Variants in POU6F2 observed in about 807,000 individuals in gnomAD.
POU6F2 encodes POU domain, class 6, transcription factor 2.
In POU6F2, 31 loss-of-function variants were observed where a neutral mutation model predicts 71.3. The ratio of observed to expected loss-of-function variants is 0.43; its 90% CI spans 0.33 to 0.59. POU6F2 has a LOEUF of 0.59. POU6F2 is among the 20% of genes least tolerant of loss of function. The probability of loss-of-function intolerance (pLI) is 0.04; values close to 1 mark genes in which losing one functional copy is unlikely to be tolerated. For missense variants in POU6F2, 783 were observed against 856.8 expected, an observed-to-expected ratio of 0.91 and a Z score of 1.07; for synonymous variants, 347 against 355.7, an observed-to-expected ratio of 0.98 and a Z score of 0.27.
intron 5 of POU6F2, among the ~76,000 whole-genome samples, chr7:39,401,687 C>T (rs752468449): frequency 1.7e-4 from 26 of 152,304 alleles, no homozygotes; most frequent in Middle Eastern, 6.8e-3. Flanking sequence ...TAGGCATCCA[C>T]GGCCGAGTCA....
At chr7:39,315,127 T>G (rs1394010907) in intron 4 of POU6F2, among the ~76,000 whole-genome samples, 2 of 152,224 alleles carry the variant, frequency 1.3e-5, no homozygotes, top group African/African-American at 4.8e-5. Context: ...CATTTGTTGT[T>G]GAGTAGGGGA....
In POU6F2 at chr7:39,085,947, G is replaced by C; in HGVS notation, c.193G>C (p.Ala65Pro). 1 of 1,613,766 alleles carries C rather than the reference G, an allele frequency of 6.2e-7. No homozygotes were observed. The highest frequency in any genetic ancestry group is 1.1e-5 in the South Asian group (1 of 91,046). The change falls in exon 2 of 10, where the codon GCT becomes CCT. Residue 65 changes from alanine (A) to proline (P), a missense_variant. Physicochemically the swap from Ala to Pro is conservative, Grantham distance 27. Around this residue, in one of 2 missense-constraint regions of POU6F2, gnomAD observed 572 missense variants for 572.9 expected, o/e 1.00. Transcript: ENST00000518318. Reference sequence around the variant, plus strand: ...GGAGTTGAGAGGTGAGGACAAGGCTGCTACTTCAGACAGCGAGCTGAATGA... The same window carrying C: ...GGAGTTGAGAGGTGAGGACAAGGCTCCTACTTCAGACAGCGAGCTGAATGA... ...NAELRGEDKAATSDSELNEPL... is the reference protein window; with the variant it reads ...NAELRGEDKAPTSDSELNEPL...
chr7:39,178,235 C>T (rs1219298083), intron 2 of POU6F2, among the ~76,000 whole-genome samples: 2 of 152,140 alleles, frequency 1.3e-5, no homozygotes, highest in East Asian at 3.9e-4. Context: ...GCCTGGGCAA[C>T]AGAGTGAGAC....
intron 2 of POU6F2, among the ~76,000 whole-genome samples, chr7:39,174,972 C>T (rs1793300388): frequency 6.6e-6 from 1 of 152,166 alleles, no homozygotes; most frequent in Admixed American, 6.5e-5. Context: ...TTCTCTTCTC[C>T]TGTGACCTCT....
chr7:39,356,227 G>A (rs1391577094), intron 5 of POU6F2, among the ~76,000 whole-genome samples: 2 of 152,106 alleles, frequency 1.3e-5, no homozygotes, highest in Non-Finnish European at 2.9e-5. Flanking sequence ...GTTTAGCCTG[G>A]ACACTCTGGC....
At chr7:39,449,569 G>A (rs1380010490) in intron 7 of POU6F2, among the ~76,000 whole-genome samples, 1 of 152,084 alleles carries the variant, frequency 6.6e-6, no homozygotes, top group East Asian at 1.9e-4. Context: ...TGCATTTATA[G>A]TATGATCCAA....
At chr7:39,418,841 C>T (rs1787747473) in intron 6 of POU6F2, among the ~76,000 whole-genome samples, 1 of 150,316 alleles carries the variant, frequency 6.7e-6, no homozygotes, top group African/African-American at 2.4e-5. Flanking sequence ...TGTGTAAGTG[C>T]CTAATACAGT....
chr7:39,221,610 A>G (rs1794363299), intron 4 of POU6F2, among the ~76,000 whole-genome samples: 1 of 151,332 alleles, frequency 6.6e-6, no homozygotes, highest in African/African-American at 2.4e-5. Context: ...CTGGTCTCGA[A>G]CTCCTAACCT....
chr7:38,986,889 TA>T (rs1208562319), intron 1 of POU6F2, among the ~76,000 whole-genome samples: 3 of 152,158 alleles, frequency 2.0e-5, no homozygotes, highest in Non-Finnish European at 2.9e-5. Context: ...CTTTTACATA[TA>T]AAAAATATTT....
rs1789097059 is a variant in POU6F2 at position 39,467,424 on chromosome 7, C to T, written c.*2738C>T. 1 of 152,132 alleles carries T rather than the reference C, an allele frequency of 6.6e-6. No individual in the cohort carries two copies. Among genetic ancestry groups the T allele is most frequent in the African/African-American group, 2.4e-5 (1 of 41,454 alleles). The allele number at this position is 152,132 out of a possible 1,614,324, so 9.4% of individuals were successfully genotyped here. ...TCATATGCCAATGGCGTTTAAGTGT[C>T]TTTTATGTTTCCATGAACTGAAGGT... On this transcript the variant is annotated 3_prime_UTR_variant, in exon 10 of 10. Coordinates refer to ENST00000518318, the MANE Select transcript of POU6F2 (RefSeq NM_001370959.1).
intron 7 of POU6F2, among the ~76,000 whole-genome samples, chr7:39,444,206 G>A (rs986686619): frequency 4.6e-5 from 7 of 152,174 alleles, no homozygotes; most frequent in East Asian, 3.9e-4. Flanking sequence ...AAAAAACACC[G>A]GTATTTGACA....
In POU6F2 at chr7:39,290,423, T is replaced by C. The variant is rs370669035; in HGVS notation, c.599-49219T>C. Among the ~76,000 whole-genome samples, 41 of 152,320 alleles carry C rather than the reference T, an allele frequency of 2.7e-4. No individual in the cohort carries two copies. The South Asian group carries it at 8.1e-3, about 30-fold the overall frequency. On this transcript the variant is annotated intron_variant, in intron 4 of 9. Transcript: ENST00000518318. Reference sequence around the variant, plus strand: ...CCTGTACAGAATCTGTTCTTGAGCTTTGTGCTCTGATATTCTCGATTCTAA... The same window carrying C: ...CCTGTACAGAATCTGTTCTTGAGCTCTGTGCTCTGATATTCTCGATTCTAA...
Position 39,460,747 on chromosome 7 carries a change from T to A in POU6F2, c.1658+32T>A, listed in dbSNP as rs912506845. ...CGCGCCTGCATGCTGTCACCTCTTC[T>A]AGCCGCCCTGGGCCTCATTTGTCCT... On this transcript the variant is annotated intron_variant, in intron 9 of 9. Coordinates refer to ENST00000518318, the MANE Select transcript of POU6F2 (RefSeq NM_001370959.1). This position sits in a 1 kb window ranked among gnomAD's most constrained non-coding sequence, Gnocchi z 4.4. 2 of 1,539,706 alleles carry A rather than the reference T, an allele frequency of 1.3e-6. No individual in the cohort carries two copies. Among genetic ancestry groups the A allele is most frequent in the East Asian group, 4.7e-5 (2 of 42,644 alleles).
At chr7:39,111,422 C>T (rs1031523268) in intron 2 of POU6F2, among the ~76,000 whole-genome samples, 1 of 152,072 alleles carries the variant, frequency 6.6e-6, no homozygotes, top group African/African-American at 2.4e-5. Context: ...TTTACCTTTA[C>T]TCAGATTAAG....
chr7:39,400,975 ACT>A (rs1430756053), intron 5 of POU6F2, among the ~76,000 whole-genome samples: 8 of 152,030 alleles, frequency 5.3e-5, no homozygotes, highest in African/African-American at 1.2e-4. Flanking sequence ...GGAAACAGGG[ACT>A]CTCTGCAAAG....
At chr7:39,092,127 T>C (rs1241300378) in intron 2 of POU6F2, among the ~76,000 whole-genome samples, 1 of 152,216 alleles carries the variant, frequency 6.6e-6, no homozygotes, top group African/African-American at 2.4e-5. Context: ...TTTTTTATGC[T>C]AAAGAAAAAG....
At chr7:39,458,492 G>C (rs1273317739) in intron 8 of POU6F2, among the ~76,000 whole-genome samples, 1 of 151,960 alleles carries the variant, frequency 6.6e-6, no homozygotes, top group South Asian at 2.1e-4. Flanking sequence ...AAAAGGGCTC[G>C]AGACTGCGAC....
At chr7:39,200,843 G>T in intron 2 of POU6F2, among the ~76,000 whole-genome samples, 1 of 138,342 alleles carries the variant, frequency 7.2e-6, no homozygotes, top group East Asian at 2.2e-4. Flanking sequence ...GATGATTTCT[G>T]TACCAACAAG....
rs150703186 is a variant in POU6F2, at chr7:39,128,525, T to G, written c.277+42494T>G. Among the ~76,000 whole-genome samples the G allele has an allele frequency of 2.8e-3, 427 of 152,328 alleles. 4 individuals carry two copies. Among genetic ancestry groups the G allele is most frequent in the Middle Eastern group, 0.027 (8 of 294 alleles). ...ATAGATGCATATCTTAATTTTATGA[T>G]TATCTGTGGGAAATATTCCTGCATA... On this transcript the variant is annotated intron_variant, in intron 2 of 9. Transcript: ENST00000518318.
Sources: allele counts gnomAD v4.1 joint callset (sites outside exome capture counted in the v4.1 genomes callset), GRCh38; gene constraint gnomAD v4.1.1; regional missense constraint gnomAD v4.1.1; non-coding constraint Gnocchi (gnomAD v3.1); transcripts MANE v1.5; gene names NCBI Gene and HGNC (gene_info 2026-07-23, HGNC 2026-07-21).